CCDC171: variants seen among roughly 807,000 people sequenced by gnomAD.
The protein encoded by CCDC171 is coiled-coil domain-containing protein 171.
Under a neutral mutation model 168.2 loss-of-function variants are expected in CCDC171, and 177 were observed. The ratio of observed to expected loss-of-function variants is 1.05; its 90% CI spans 0.93 to 1.19. CCDC171 has a LOEUF of 1.19. CCDC171 is among the 50% of genes most tolerant of loss of function. The probability of loss-of-function intolerance (pLI) is 0.00; values close to 1 mark genes in which losing one functional copy is unlikely to be tolerated. For missense variants in CCDC171, 1,991 were observed against 1,539.0 expected (o/e 1.29, Z -4.91); for synonymous variants, 687 against 540.8 (o/e 1.27, Z -3.75).
At position 15,578,725 on chromosome 9, in the gene CCDC171, T is replaced by C. The variant is rs979460196; in HGVS notation, c.178-124T>C. ...GCTTTCTTTCCAGTGATTCAGAATA[T>C]ATAAATTTATAAATTTTTGCCTTGT... On this transcript the variant is annotated intron_variant, in intron 3 of 25. Coordinates refer to ENST00000380701, the MANE Select transcript of CCDC171 (RefSeq NM_173550.4). 11 of 567,754 alleles carry C rather than the reference T, an allele frequency of 1.9e-5. 1 individual carries two copies. In the Middle Eastern group the frequency reaches 1.4e-3, roughly 74 times the overall value. 35.2% of individuals were successfully genotyped at this position (567,754 alleles called of 1,614,324 possible).
rs532757526 is a variant in CCDC171 at position 15,650,116 on chromosome 9, G to A, written c.823-7011G>A. On this transcript the variant is annotated intron_variant, in intron 7 of 25. Coordinates refer to ENST00000380701, the MANE Select transcript of CCDC171 (RefSeq NM_173550.4). ...CCTTTGTAGGGACATGGATGAAGCTGGAAACCATCATTCTGAGCAAACTAT... is the reference window on the plus strand; with the variant it reads ...CCTTTGTAGGGACATGGATGAAGCTAGAAACCATCATTCTGAGCAAACTAT... Among the ~76,000 whole-genome samples the A allele has an allele frequency of 1.5e-4, 23 of 152,254 alleles. No individual in the cohort carries two copies. The South Asian group carries it at 4.6e-3, about 30-fold the overall frequency.
intron 25 of CCDC171, among the ~76,000 whole-genome samples, chr9:15,951,810 G>T (rs1186037276): frequency 6.6e-6 from 1 of 151,962 alleles, no homozygotes; most frequent in Non-Finnish European, 1.5e-5. Context: ...CTGTTCTGTG[G>T]GTTGCCTTTT....
rs543499612 is a variant in CCDC171 at position 15,973,339 on chromosome 9, C to T, written c.*1503C>T. 9.0e-6 allele frequency: 1 copy of T among 110,772 alleles called. No individual in the cohort carries two copies. The highest frequency in any genetic ancestry group is 1.8e-5 in the Non-Finnish European group (1 of 54,782). The allele number at this position is 110,772 out of a possible 1,614,324, so 6.9% of individuals were successfully genotyped here. A position where few individuals can be genotyped will look rare whatever the true frequency, so the allele number is the denominator to read the frequency against. On this transcript the variant is annotated 3_prime_UTR_variant, in exon 26 of 26. Transcript: ENST00000380701. Reference sequence around the variant, plus strand: ...TTTTTTTGTCTTATCTTTACAGTGACATTTGATTCAAATTACCCAACTGCT... The same window carrying T: ...TTTTTTTGTCTTATCTTTACAGTGATATTTGATTCAAATTACCCAACTGCT...
intron 3 of CCDC171, among the ~76,000 whole-genome samples, chr9:16,001,049 G>A (rs991148964): frequency 2.6e-5 from 4 of 152,032 alleles, no homozygotes; most frequent in Non-Finnish European, 5.9e-5. Context: ...TTGCCAAGAG[G>A]GTTGTATGTA....
At chr9:16,036,095 C>T (rs1833462125) in exon 8 of CCDC171, 1 of 152,218 alleles carries the variant, frequency 6.6e-6, no homozygotes, top group African/African-American at 2.4e-5. Context: ...TCCTCTAGGC[C>T]CTCTTGCCAG....
At chr9:15,684,100 G>T (rs1480317084) in intron 10 of CCDC171, among the ~76,000 whole-genome samples, 1 of 152,072 alleles carries the variant, frequency 6.6e-6, no homozygotes, top group Non-Finnish European at 1.5e-5. Flanking sequence ...AATGCATTGT[G>T]CATATAATGG....
At chr9:15,842,753 A>C (rs1238043262) in intron 21 of CCDC171, among the ~76,000 whole-genome samples, 1 of 151,910 alleles carries the variant, frequency 6.6e-6, no homozygotes, top group Admixed American at 6.6e-5. Context: ...AAATGTTTTC[A>C]TAGGTGTGAG....
chr9:15,987,986 G>T (rs1303487013), intron 3 of CCDC171, among the ~76,000 whole-genome samples: 1 of 152,188 alleles, frequency 6.6e-6, no homozygotes, highest in African/African-American at 2.4e-5. Context: ...GACAATCTGT[G>T]GTTGTTTGGT....
the CCDC171 span, among the ~76,000 whole-genome samples, chr9:16,072,893 T>C: frequency 6.6e-6 from 1 of 152,240 alleles, no homozygotes; most frequent in Non-Finnish European, 1.5e-5. Flanking sequence ...GTGGGGTCCT[T>C]AAATGCAAGA....
intron 18 of CCDC171, among the ~76,000 whole-genome samples, chr9:15,763,372 C>A (rs1330126961): frequency 6.6e-6 from 1 of 152,158 alleles, no homozygotes; most frequent in Non-Finnish European, 1.5e-5. Context: ...ATATCTAGTT[C>A]TTTTCCTCTT....
At chr9:15,704,962 C>G (rs955886489) in intron 11 of CCDC171, among the ~76,000 whole-genome samples, 1 of 152,098 alleles carries the variant, frequency 6.6e-6, no homozygotes, top group African/African-American at 2.4e-5. Flanking sequence ...CATTTATGAG[C>G]TTAGGTTACA....
At chr9:15,906,773 C>T (rs139673512) in intron 24 of CCDC171, among the ~76,000 whole-genome samples, 3,347 of 151,974 alleles carry the variant, frequency 0.022, 129 homozygotes, top group African/African-American at 0.077. Context: ...TCTAGAAAAC[C>T]CCATCGTCTC....
intron 24 of CCDC171, among the ~76,000 whole-genome samples, chr9:15,876,796 G>C (rs1817905113): frequency 6.6e-6 from 1 of 151,868 alleles, no homozygotes; most frequent in Middle Eastern, 3.2e-3. Context: ...CTACTGACTT[G>C]GGAATTCAGT....
intron 25 of CCDC171, among the ~76,000 whole-genome samples, chr9:15,947,256 G>A (rs1396041943): frequency 6.6e-6 from 1 of 151,856 alleles, no homozygotes; most frequent in Admixed American, 6.6e-5. Context: ...AAAACTTATA[G>A]GGTGTTTGTG....
chr9:15,792,847 C>T (rs944592112), intron 21 of CCDC171, among the ~76,000 whole-genome samples: 208 of 152,118 alleles, frequency 1.4e-3, no homozygotes, highest in African/African-American at 4.7e-3. Context: ...AAGGAACAAC[C>T]AGTACCAGCC....
At chr9:16,012,488 G>GT (rs1231456041) in intron 3 of CCDC171, among the ~76,000 whole-genome samples, 3 of 151,652 alleles carry the variant, frequency 2.0e-5, no homozygotes, top group Admixed American at 2.0e-4. Context: ...TTGTTAATTA[G>GT]TTGGTCAGCT....
At chr9:15,569,149 C>G (rs1420679027) in intron 2 of CCDC171, among the ~76,000 whole-genome samples, 2 of 152,168 alleles carry the variant, frequency 1.3e-5, no homozygotes, top group Non-Finnish European at 2.9e-5. Flanking sequence ...TTTTAATAGG[C>G]CTTTTCGGTT....
intron 7 of CCDC171, among the ~76,000 whole-genome samples, chr9:15,624,280 A>G (rs1317967216): frequency 6.6e-6 from 1 of 152,134 alleles, no homozygotes; most frequent in African/African-American, 2.4e-5. Flanking sequence ...TAAGGAGGCT[A>G]GGCAGAGAAT....
intron 9 of CCDC171, 80 bp downstream of exon 9, chr9:15,666,403 T>C: frequency 1.1e-6 from 1 of 933,264 alleles, no homozygotes; most frequent in South Asian, 1.9e-5. Context: ...GTATACTATG[T>C]ATTTTAGATA....
Sources: allele counts gnomAD v4.1 joint callset (sites outside exome capture counted in the v4.1 genomes callset), GRCh38; gene constraint gnomAD v4.1.1; transcripts MANE v1.5; gene names NCBI Gene and HGNC (gene_info 2026-07-23, HGNC 2026-07-21).